SRRM2: variants seen among roughly 807,000 people sequenced by gnomAD.
SRRM2 encodes serine/arginine repetitive matrix 2.
Under a neutral mutation model 213.8 loss-of-function variants are expected in SRRM2, and 30 were observed. The ratio of observed to expected loss-of-function variants is 0.14; its 90% confidence interval spans 0.10 to 0.19. SRRM2 has a LOEUF of 0.19. SRRM2 is among the 10% of genes least tolerant of loss of function. SRRM2 has a pLI of 1.00. For synonymous variants in SRRM2, 2,025 were observed against 1,377.7 expected, an observed-to-expected ratio of 1.47 and a Z score of -10.40; for missense variants, 4,904 against 3,647.0, an observed-to-expected ratio of 1.34 and a Z score of -8.88.
In SRRM2 at chr16:2,764,647, A is replaced by C; in HGVS notation, c.4119A>C (p.Glu1373Asp). The change falls in exon 11 of 15, where the codon GAA (glutamate) becomes GAC (aspartate). Residue 1373 changes from glutamate (E) to aspartate (D), a missense_variant. Glu to Asp is a conservative substitution (Grantham distance 45). Transcript: ENST00000301740. ...LETDPSLDMK[E>D]QSTRSSGHSS... ...CAGATCCATCTCTAGACATGAAAGAACAATCGACAAGATCCTCTGGACACA... is the reference window on the plus strand; with the variant it reads ...CAGATCCATCTCTAGACATGAAAGACCAATCGACAAGATCCTCTGGACACA... 1 of 1,614,202 alleles carries C rather than the reference A, an allele frequency of 6.2e-7. No homozygotes were observed. The highest frequency in any genetic ancestry group is 1.6e-4 in the Middle Eastern group (1 of 6,062).
At position 2,756,538 on chromosome 16, in the gene SRRM2, G is replaced by A. The variant is rs937023716; in HGVS notation, c.174G>A (p.Leu58=). The change falls in exon 2 of 15, where the codon CTG becomes CTA. Residue 58 remains leucine, a synonymous_variant. Transcript: ENST00000301740. ...ALVKRPNPDI[L]DHERKRRVEL... is the part of the protein sequence containing the mutation. The stretch of plus-strand genomic sequence containing the variant: ...TGAAGCGGCCTAATCCTGACATCCT[G>A]GACCACGAGCGCAAGCGGCGCGTCG... The A allele has an allele frequency of 1.9e-6, 3 of 1,614,014 alleles. No homozygotes were observed. The highest frequency in any genetic ancestry group is 1.3e-5 in the African/African-American group (1 of 74,934).
Position 2,764,338 on chromosome 16 carries a change from A to C in SRRM2, c.3810A>C (p.Ser1270=). ...LKEMSTSNFE[S]SPEVEERPAV... ...AAATGTCCACAAGTAACTTTGAATCATCTCCTGAAGTAGAAGAAAGGCCTG... is the reference window on the plus strand; with the variant it reads ...AAATGTCCACAAGTAACTTTGAATCCTCTCCTGAAGTAGAAGAAAGGCCTG... Residue 1270 remains serine, a synonymous_variant, in exon 11 of 15, where the codon TCA becomes TCC. Coordinates refer to ENST00000301740, the MANE Select transcript of SRRM2 (RefSeq NM_016333.4). 1 of 1,614,222 alleles carries C rather than the reference A, an allele frequency of 6.2e-7. No individual in the cohort carries two copies. Among genetic ancestry groups the C allele is most frequent in the African/African-American group, 1.3e-5 (1 of 75,062 alleles).
Position 2,766,757 on chromosome 16 carries a change from A to C in SRRM2, c.6229A>C (p.Arg2077=). The change falls in exon 11 of 15, where the codon AGG becomes CGG. Residue 2077 remains arginine, a synonymous_variant. Transcript: ENST00000301740. This position sits in a 1 kb window ranked among gnomAD's most constrained non-coding sequence, Gnocchi z 7.0. ...AACAAGATCTCCTCCAGCCATCCGC[A>C]GGCGTTCTGCATCTGGAAGTAGTTC... ...SLTRSPPAIR[R]RSASGSSSDR... is the part of the protein sequence containing the mutation. 1 of 1,614,192 alleles carries C rather than the reference A, an allele frequency of 6.2e-7. No individual in the cohort carries two copies. Among genetic ancestry groups the C allele is most frequent in the Non-Finnish European group, 8.5e-7 (1 of 1,180,042 alleles).
rs377356780 is a variant in SRRM2, at chr16:2,765,215, C to T, written c.4687C>T (p.Pro1563Ser). Residue 1563 changes from proline (P) to serine (S), a missense_variant, in exon 11 of 15, where the codon CCA becomes TCA. By Grantham distance (74) the Pro-to-Ser change is moderately conservative. Transcript: ENST00000301740. ...GGAAAGAAGTGAGTCAGACTCTTCT[C>T]CAGATTCTAAAGCCAAGACAAGAAC... Reference protein sequence around the residue: ...PQERSESDSSPDSKAKTRTPL... With the variant: ...PQERSESDSSSDSKAKTRTPL... 3.6e-5 allele frequency: 58 copies of T among 1,614,024 alleles called. 2 individuals are homozygous for T. The highest frequency in any genetic ancestry group is 3.0e-4 in the South Asian group (27 of 91,084).
intron 9 of SRRM2, chr16:2,759,959 C>A (rs1177627043): frequency 1.5e-5 from 8 of 531,234 alleles, no homozygotes; most frequent in African/African-American, 7.6e-5. Context: ...GGAATCCTTA[C>A]CCTGGCTTCC....
Position 2,762,820 on chromosome 16 carries a change from A to G in SRRM2, c.2292A>G (p.Ser764=). 1 of 1,614,110 alleles carries G rather than the reference A, an allele frequency of 6.2e-7. No individual in the cohort carries two copies. Among genetic ancestry groups the G allele is most frequent in the Non-Finnish European group, 8.5e-7 (1 of 1,180,030 alleles). ...CAAGGCGGAGCAGGTCTCTCTCTTC[A>G]CCACGGTCCAAAGCAAAATCTCGCT... ...ISSRRSRSLS[S]PRSKAKSRLS... is the part of the protein sequence containing the mutation. The change falls in exon 11 of 15, where the codon TCA becomes TCG. Residue 764 remains serine, a synonymous_variant. Coordinates refer to ENST00000301740, the MANE Select transcript of SRRM2 (RefSeq NM_016333.4).
In SRRM2 at chr16:2,770,450, C is replaced by A. The variant is rs1248098919; in HGVS notation, c.8120C>A (p.Pro2707Gln). 3 of 1,608,044 alleles carry A rather than the reference C, an allele frequency of 1.9e-6. No individual in the cohort carries two copies. The highest frequency in any genetic ancestry group is 2.5e-6 in the Non-Finnish European group (3 of 1,177,490). The change falls in exon 13 of 15, where the codon CCA (proline) becomes CAA (glutamine). Residue 2707 changes from proline (P) to glutamine (Q), a missense_variant. Physicochemically the swap from Pro to Gln is moderately conservative, Grantham distance 76 (BLOSUM62 -1). Transcript: ENST00000301740. The part of the protein sequence containing the change: ...ERRRPSPQPS[P>Q]RDQQSSSSER... ...CGCCGTCCCTCGCCCCAGCCCTCAC[C>A]ACGGGACCAGCAGAGGTAAGGCCAA... is the stretch of plus-strand genomic sequence containing the variant.
Position 2,759,823 on chromosome 16 carries a change from CAT to C in SRRM2, c.833+166_833+167del, listed in dbSNP as rs970482965. The C allele has an allele frequency of 9.8e-5, 60 of 610,636 alleles. No individual in the cohort carries two copies. The Admixed American group carries it at 1.4e-3, about 15-fold the overall frequency. 37.8% of individuals were successfully genotyped at this position (610,636 alleles called of 1,614,324 possible). On this transcript the variant is annotated intron_variant, in intron 9 of 14. Transcript: ENST00000301740. The stretch of plus-strand genomic sequence containing the variant: ...AGGCTAAAGCAACAGGATGGACAGA[CAT>C]ATACATTTCCCCTTCTCTTTTTTTT...
Position 2,758,095 on chromosome 16 carries a change from T to G in SRRM2, c.515+150T>G. 8 of 896,558 alleles carry G rather than the reference T, an allele frequency of 8.9e-6. No individual in the cohort carries two copies. The South Asian group carries it at 1.4e-4, about 15-fold the overall frequency. 55.5% of individuals were successfully genotyped at this position (896,558 alleles called of 1,614,324 possible). A position where few individuals can be genotyped will look rare whatever the true frequency, so the allele number is the denominator to read the frequency against. ...GTGTCCAAAAAAATGTGTCCAAGGG[T>G]TAGTCACAGTGGGTCACGCGCGTAA... On this transcript the variant is annotated intron_variant, in intron 4 of 14. Coordinates refer to ENST00000301740, the MANE Select transcript of SRRM2 (RefSeq NM_016333.4).
intron 12 of SRRM2, chr16:2,769,538 C>T (rs1393220553): frequency 1.6e-6 from 1 of 645,026 alleles, no homozygotes; most frequent in Non-Finnish European, 2.8e-6. Context: ...CAACACATAG[C>T]CTGTTCCCAG....
intron 4 of SRRM2, 120 bp from the exon 5 acceptor site, chr16:2,758,350 A>G: frequency 1.1e-6 from 1 of 952,024 alleles, no homozygotes; most frequent in Non-Finnish European, 1.6e-6. Context: ...CACCTGAGGC[A>G]ACAGAGCGAG....
At chr16:2,759,734 C>G in intron 9 of SRRM2, 73 bp downstream of exon 9, 2 of 1,415,098 alleles carry the variant, frequency 1.4e-6, no homozygotes, top group Non-Finnish European at 2.0e-6. Flanking sequence ...ATTGAGCGCC[C>G]ACGGTGTGCT....
At chr16:2,758,094 G>T in intron 4 of SRRM2, 149 bp downstream of exon 4, 3 of 896,934 alleles carry the variant, frequency 3.3e-6, no homozygotes, top group Non-Finnish European at 5.1e-6. Context: ...GTGTCCAAGG[G>T]TTAGTCACAG....
At chr16:2,769,496 A>G (rs2068664230) in intron 12 of SRRM2, 2 of 639,556 alleles carry the variant, frequency 3.1e-6, no homozygotes, top group Non-Finnish European at 5.6e-6. Flanking sequence ...GGCCAGGACC[A>G]GGGGGTCCTT....
Position 2,761,819 on chromosome 16 carries a change from T to C in SRRM2, c.1291T>C (p.Ser431Pro), listed in dbSNP as rs1037996065. Reference sequence around the variant, plus strand: ...ACCATCCCCTCAACCTACCAAAGTTTCTCGGCATGCCAGCTCTTCCCCAGA... The same window carrying C: ...ACCATCCCCTCAACCTACCAAAGTTCCTCGGCATGCCAGCTCTTCCCCAGA... ...SPPSPQPTKVSRHASSSPESP... is the reference protein window; with the variant it reads ...SPPSPQPTKVPRHASSSPESP... Residue 431 changes from serine (S) to proline (P), a missense_variant, in exon 11 of 15, where the codon TCT becomes CCT. By Grantham distance (74) the Ser-to-Pro change is moderately conservative. Coordinates refer to ENST00000301740, the MANE Select transcript of SRRM2 (RefSeq NM_016333.4). The C allele has an allele frequency of 4.3e-6, 7 of 1,613,762 alleles. No homozygotes were observed. In the Admixed American group the frequency reaches 5.0e-5, roughly 12 times the overall value.
rs772098125 is a variant in SRRM2 at position 2,765,762 on chromosome 16, G to A, written c.5234G>A (p.Arg1745Gln). The A allele has an allele frequency of 1.7e-5, 27 of 1,613,972 alleles. No homozygotes were observed. The highest frequency in any genetic ancestry group is 1.6e-4 in the Middle Eastern group (1 of 6,084). Residue 1745 changes from arginine (R) to glutamine (Q), a missense_variant, in exon 11 of 15, where the codon CGG becomes CAG. By Grantham distance (43) the Arg-to-Gln change is conservative (BLOSUM62 1). Transcript: ENST00000301740. ...PAEKSRSSRR[R>Q]RSASSPRTKT... Reference sequence around the variant, plus strand: ...GAAAAATCGAGGTCTTCACGCCGACGGCGCTCAGCTTCATCTCCACGCACT... The same window carrying A: ...GAAAAATCGAGGTCTTCACGCCGACAGCGCTCAGCTTCATCTCCACGCACT...
chr16:2,766,667 C>T lies in SRRM2; in HGVS notation c.6139C>T (p.Pro2047Ser), dbSNP rs774124742. 6 of 1,613,310 alleles carry T rather than the reference C, an allele frequency of 3.7e-6. No homozygotes were observed. The highest frequency in any genetic ancestry group is 5.1e-6 in the Non-Finnish European group (6 of 1,179,816). The change falls in exon 11 of 15, where the codon CCA becomes TCA. Residue 2047 changes from proline to serine, a missense_variant. By Grantham distance (74) the Pro-to-Ser change is moderately conservative (BLOSUM62 -1). Transcript: ENST00000301740. This position sits in a 1 kb window ranked among gnomAD's most constrained non-coding sequence, Gnocchi z 7.0. ...ACGCAAACGTTCTCGAAGTCGCTCA[C>T]CACTTGCTATCCGCCGCCGCTCCAG... ...LPRKRSRSRSPLAIRRRSRSR... is the reference protein window; with the variant it reads ...LPRKRSRSRSSLAIRRRSRSR...
intron 11 of SRRM2, 116 bp downstream of exon 11, chr16:2,768,377 C>T (rs2068619125): frequency 3.3e-6 from 4 of 1,195,824 alleles, no homozygotes; most frequent in Non-Finnish European, 4.6e-6. Context: ...GGTATGGGGA[C>T]CTTGACCCTC....
Position 2,767,861 on chromosome 16 carries a change from G to A in SRRM2, c.7333G>A (p.Asp2445Asn), listed in dbSNP as rs889426179. ...PSQSLLPPAQ[D>N]QPRSPVPSAF... The stretch of plus-strand genomic sequence containing the variant: ...ACAGTCTCTTCTCCCTCCAGCACAG[G>A]ATCAGCCGAGGTCTCCTGTGCCTTC... Residue 2445 changes from aspartate to asparagine, a missense_variant, in exon 11 of 15, where the codon GAT becomes AAT. Transcript: ENST00000301740. The A allele has an allele frequency of 4.3e-6, 7 of 1,614,066 alleles. No homozygotes were observed. In the Admixed American group the frequency reaches 5.0e-5, roughly 12 times the overall value.
Sources: gnomAD v4.1 joint callset for allele counts on GRCh38, gnomAD v4.1.1 for gene constraint, Gnocchi (gnomAD v3.1) non-coding constraint, MANE v1.5 for transcripts, NCBI Gene and HGNC (gene_info 2026-07-23, HGNC 2026-07-21) for gene names.